Variants in COBLL1 observed in about 807,000 individuals in gnomAD.
COBLL1 encodes cordon-bleu WH2 repeat protein like 1.
A neutral mutation model predicts 94.8 loss-of-function variants in COBLL1; 50 were observed. The observed-to-expected ratio is 0.53, with a 90% CI of 0.42 to 0.67. The LOEUF (loss-of-function observed/expected upper bound fraction) is 0.67. Ranked by LOEUF, COBLL1 falls within the 30% of genes least tolerant of loss-of-function variation. COBLL1 has a pLI of 0.00. For missense variants in COBLL1, 1,362 were observed against 1,348.7 expected, an observed-to-expected ratio of 1.01 and a Z score of -0.15; for synonymous variants, 448 against 473.8, an observed-to-expected ratio of 0.95 and a Z score of 0.71.
At chr2:164,670,077 G>C (rs13432797) in intron 1 of COBLL1, among the ~76,000 whole-genome samples, 61,200 of 151,976 alleles carry the variant, frequency 0.4, 14,154 homozygotes, top group African/African-American at 0.64. Context: ...TGACATGATT[G>C]AAAGCTTATT....
At chr2:164,731,880 C>T (rs1452242968) in intron 3 of COBLL1, among the ~76,000 whole-genome samples, 1 of 152,188 alleles carries the variant, frequency 6.6e-6, no homozygotes, top group Non-Finnish European at 1.5e-5. Context: ...GCTCCCAGGC[C>T]TGCAGCCTCT....
At chr2:164,791,521 T>C (rs1683189494) in intron 2 of COBLL1, among the ~76,000 whole-genome samples, 1 of 152,108 alleles carries the variant, frequency 6.6e-6, no homozygotes, top group Admixed American at 6.6e-5. Context: ...TATATACACA[T>C]ACATACATAC....
In COBLL1 at chr2:164,784,620, C is replaced by T. The variant is rs539766769; in HGVS notation, c.42-40745G>A. On this transcript the variant is annotated intron_variant, in intron 2 of 13. Transcript: ENST00000652658. ...AAGAAGGCATCCTAATCTCTCCTCCCTTCCTTCTGTTTGCATAATCTGCTT... is the reference window on the plus strand; with the variant it reads ...AAGAAGGCATCCTAATCTCTCCTCCTTTCCTTCTGTTTGCATAATCTGCTT... Among the ~76,000 whole-genome samples the T allele has an allele frequency of 2.0e-5, 3 of 152,216 alleles. No homozygotes were observed. In the South Asian group the frequency reaches 6.2e-4, roughly 32 times the overall value.
chr2:164,813,056 T>C (rs1270056311), intron 2 of COBLL1, among the ~76,000 whole-genome samples: 1 of 152,012 alleles, frequency 6.6e-6, no homozygotes, highest in Admixed American at 6.6e-5. Context: ...AAACCACAAC[T>C]GATTTCTAAA....
downstream of COBLL1, among the ~76,000 whole-genome samples, chr2:164,677,983 T>C (rs1301849843): frequency 6.6e-6 from 1 of 152,214 alleles, no homozygotes; most frequent in Non-Finnish European, 1.5e-5. Flanking sequence ...TGTTATCTCC[T>C]TGTGGTCTTG....
chr2:164,738,191 T>G (rs1049557859), intron 3 of COBLL1: 3 of 152,208 alleles, frequency 2.0e-5, no homozygotes, highest in Non-Finnish European at 4.4e-5. Context: ...TAGGAAAGTG[T>G]GATAGCATGC....
chr2:164,701,900 G>A (rs1050360026), intron 9 of COBLL1, among the ~76,000 whole-genome samples: 3 of 151,100 alleles, frequency 2.0e-5, no homozygotes, highest in African/African-American at 7.3e-5. Context: ...GGTGGGAGGG[G>A]GGGGCGGGGT....
chr2:164,807,507 A>C (rs1684233288), intron 2 of COBLL1, among the ~76,000 whole-genome samples: 1 of 150,670 alleles, frequency 6.6e-6, no homozygotes, highest in African/African-American at 2.4e-5. Context: ...TACTACTTAT[A>C]TGTGTATTAT....
rs1475869846 is a variant in COBLL1, at chr2:164,682,620, G to A, written c.*3326C>T. On this transcript the variant is annotated 3_prime_UTR_variant, in exon 14 of 14. Coordinates refer to ENST00000652658, the MANE Select transcript of COBLL1 (RefSeq NM_001365672.2). ...ATCGGAAGAAGGGTCACTCCTCAAA[G>A]AATAGGGAGTATATTAGGCAAATAA... 6.6e-6 allele frequency: 1 copy of A among 152,176 alleles called. No individual in the cohort carries two copies. Among genetic ancestry groups the A allele is most frequent in the Non-Finnish European group, 1.5e-5 (1 of 68,022 alleles). The allele number at this position is 152,176 out of a possible 1,614,324, so 9.4% of individuals were successfully genotyped here. A position where few individuals can be genotyped will look rare whatever the true frequency, so the allele number is the denominator to read the frequency against.
chr2:164,693,021 C>T (rs1316120994), intron 12 of COBLL1, among the ~76,000 whole-genome samples: 4 of 152,036 alleles, frequency 2.6e-5, no homozygotes, highest in African/African-American at 9.7e-5. Context: ...AATTTAATTA[C>T]GCTTCTCAGG....
intron 2 of COBLL1, among the ~76,000 whole-genome samples, chr2:164,814,914 A>G (rs1377618874): frequency 6.6e-6 from 1 of 152,212 alleles, no homozygotes; most frequent in Non-Finnish European, 1.5e-5. Flanking sequence ...AAATGACTAT[A>G]TTTGACATAA....
chr2:164,822,766 ATTATTATTAT>A (rs1265898342), intron 2 of COBLL1, among the ~76,000 whole-genome samples: 1 of 140,676 alleles, frequency 7.1e-6, no homozygotes, highest in Non-Finnish European at 1.5e-5. Flanking sequence ...TATTATTATT[ATTATTATTAT>A]TATTATTTTG....
In COBLL1 at chr2:164,694,769, C is replaced by T. The variant is rs746608935; in HGVS notation, c.2623G>A (p.Val875Ile). ...GCAGATGTCACATAGTGACCCGATA[C>T]TCTCTTCTGCATCTGCAAAAAAAAA... ...SSFFLQMQKR[V>I]SGHYVTSAAA... is the part of the protein sequence containing the mutation. The change falls in exon 12 of 14, where the codon GTA becomes ATA. Residue 875 changes from valine (V) to isoleucine (I), a missense_variant. Val to Ile is a conservative substitution (Grantham distance 29). Coordinates refer to ENST00000652658, the MANE Select transcript of COBLL1 (RefSeq NM_001365672.2). The T allele has an allele frequency of 2.5e-6, 4 of 1,613,662 alleles. No individual in the cohort carries two copies. The African/African-American group carries it at 5.3e-5, about 22-fold the overall frequency.
intron 2 of COBLL1, among the ~76,000 whole-genome samples, chr2:164,792,897 A>G (rs1683262904): frequency 6.6e-6 from 1 of 152,088 alleles, no homozygotes; most frequent in Non-Finnish European, 1.5e-5. Flanking sequence ...TCCTAGGCCC[A>G]TAATATCCTG....
At position 164,684,859 on chromosome 2, in the gene COBLL1, G is replaced by A. The variant is rs1683205527; in HGVS notation, c.*1087C>T. On this transcript the variant is annotated 3_prime_UTR_variant, in exon 14 of 14. Coordinates refer to ENST00000652658, the MANE Select transcript of COBLL1 (RefSeq NM_001365672.2). The stretch of plus-strand genomic sequence containing the variant: ...AAACAAATTTAATATCATCTTGTTT[G>A]AACAAAGCTTTCAGAATAAGTGAGC... 1 of 152,066 alleles carries A rather than the reference G, an allele frequency of 6.6e-6. No individual in the cohort carries two copies. The highest frequency in any genetic ancestry group is 1.5e-5 in the Non-Finnish European group (1 of 67,992). The allele number at this position is 152,066 out of a possible 1,614,324, so 9.4% of individuals were successfully genotyped here.
intron 5 of COBLL1, 100 bp from the exon 6 acceptor site, chr2:164,722,622 T>G: frequency 1.7e-6 from 1 of 582,984 alleles, no homozygotes; most frequent in Non-Finnish European, 3.0e-6. Context: ...TATCTAATGC[T>G]AAAAGCTACT....
At chr2:164,706,299 C>T (rs1684597134) in intron 7 of COBLL1, among the ~76,000 whole-genome samples, 1 of 152,178 alleles carries the variant, frequency 6.6e-6, no homozygotes, top group African/African-American at 2.4e-5. Context: ...ATTTCTTACT[C>T]TCTATAGATC....
chr2:164,805,338 T>A (rs1684066778), intron 2 of COBLL1, among the ~76,000 whole-genome samples: 2 of 25,368 alleles, frequency 7.9e-5, no homozygotes, highest in African/African-American at 3.5e-4. Context: ...TCTCTCTCTC[T>A]ATATATATAT....
chr2:164,690,094 T>C (rs1260867703), intron 13 of COBLL1, among the ~76,000 whole-genome samples: 1 of 152,156 alleles, frequency 6.6e-6, no homozygotes, highest in East Asian at 1.9e-4. Context: ...GATATTAGGG[T>C]TATATTTATT....
Sources: gnomAD v4.1 joint callset for allele counts (sites outside exome capture counted in the v4.1 genomes callset) on GRCh38, gnomAD v4.1.1 for gene constraint, MANE v1.5 for transcripts, NCBI Gene and HGNC (gene_info 2026-07-23, HGNC 2026-07-21) for gene names.